Variants in DNAH5 observed in about 807,000 individuals in gnomAD.
The protein encoded by DNAH5 is axonemal beta dynein heavy chain 5.
In DNAH5, 372 loss-of-function variants were observed where a neutral mutation model predicts 518.2. That is an observed-to-expected ratio of 0.72 (90% CI 0.66 to 0.78). DNAH5 has a LOEUF of 0.78. DNAH5 is among the 30% of genes least tolerant of loss of function. The pLI, the probability that DNAH5 is intolerant of heterozygous loss-of-function variation, is 0.00. For synonymous variants in DNAH5, 2,039 were observed against 2,025.9 expected (o/e 1.01, Z -0.17); for missense variants, 5,523 against 5,687.0 (o/e 0.97, Z 0.93).
chr5:13,758,565 A>T (rs1301820505), intron 61 of DNAH5, among the ~76,000 whole-genome samples: 2 of 152,160 alleles, frequency 1.3e-5, no homozygotes, highest in African/African-American at 2.4e-5. Context: ...ATGAGATAAA[A>T]ATGGGAGGAC....
Position 13,868,137 on chromosome 5 carries a change from A to G in DNAH5, c.3835-145T>C, listed in dbSNP as rs77395934. The G allele has an allele frequency of 2.9e-3, 2,125 of 726,070 alleles. 29 individuals carry two copies. In the African/African-American group the frequency reaches 0.033, roughly 11 times the overall value. 45.0% of individuals were successfully genotyped at this position (726,070 alleles called of 1,614,324 possible). A position where few individuals can be genotyped will look rare whatever the true frequency, so the allele number is the denominator to read the frequency against. On this transcript the variant is annotated intron_variant, in intron 24 of 78. Coordinates refer to ENST00000265104, the MANE Select transcript of DNAH5 (RefSeq NM_001369.3). The stretch of plus-strand genomic sequence containing the variant: ...TCTAGTTATTCTACTTCAAACCGCA[A>G]GAGGTTAACTGTGCAACTGAGCTGT...
intron 21 of DNAH5, among the ~76,000 whole-genome samples, chr5:13,881,290 G>A (rs975173915): frequency 3.3e-5 from 5 of 151,842 alleles, no homozygotes; most frequent in African/African-American, 1.2e-4. Flanking sequence ...CTACACTTTA[G>A]ACCAAATATA....
Position 13,862,743 on chromosome 5 carries a change from A to G in DNAH5, c.4601T>C (p.Ile1534Thr). The change falls in exon 29 of 79, where the codon ATC becomes ACC. Residue 1534 changes from isoleucine (I) to threonine (T), a missense_variant. Physicochemically the swap from Ile to Thr is moderately conservative, Grantham distance 89. Coordinates refer to ENST00000265104, the MANE Select transcript of DNAH5 (RefSeq NM_001369.3). The stretch of plus-strand genomic sequence containing the variant: ...TCTCTCTTTCACCGCACTGATACAG[A>G]TGTCCTATCAAAATGGCAAGCTCTC... Reference protein sequence around the residue: ...LLKYKEEIEDICISAVKERDI... With the variant: ...LLKYKEEIEDTCISAVKERDI... 1 of 1,611,158 alleles carries G rather than the reference A, an allele frequency of 6.2e-7. No individual in the cohort carries two copies. Among genetic ancestry groups the G allele is most frequent in the Non-Finnish European group, 8.5e-7 (1 of 1,177,848 alleles).
intron 50 of DNAH5, among the ~76,000 whole-genome samples, chr5:13,790,117 C>G (rs1446867661): frequency 6.6e-6 from 1 of 152,120 alleles, no homozygotes; most frequent in Non-Finnish European, 1.5e-5. Context: ...TAAATTAGTT[C>G]AAGCATTGTG....
chr5:13,747,138 G>A (rs1749480404), intron 65 of DNAH5, among the ~76,000 whole-genome samples: 1 of 151,876 alleles, frequency 6.6e-6, no homozygotes, highest in African/African-American at 2.4e-5. Flanking sequence ...AACATGCGGT[G>A]TTTGGTTTTT....
At position 13,885,049 on chromosome 5, in the gene DNAH5, T is replaced by C; in HGVS notation, c.2923A>G (p.Arg975Gly). 6.2e-7 allele frequency: 1 copy of C among 1,614,202 alleles called. No individual in the cohort carries two copies. The highest frequency in any genetic ancestry group is 8.5e-7 in the Non-Finnish European group (1 of 1,180,016). Residue 975 changes from arginine (R) to glycine (G), a missense_variant, in exon 19 of 79, where the codon AGG becomes GGG. Physicochemically the swap from Arg to Gly is moderately radical, Grantham distance 125 (BLOSUM62 -2). Transcript: ENST00000265104. The part of the protein sequence containing the change: ...QNMDALLKVT[R>G]NTLEAIRKRI... ...TTGCGAATGGCCTCTAGTGTATTCC[T>C]TGTAACTTTCAGAAGAGCATCCATG... is the stretch of plus-strand genomic sequence containing the variant.
At chr5:13,946,234 C>A (rs150888764), upstream of DNAH5, among the ~76,000 whole-genome samples, 1 of 152,306 alleles carries the variant, frequency 6.6e-6, no homozygotes, top group Non-Finnish European at 1.5e-5. Context: ...TACAACGCAT[C>A]GCTTGGGGAG....
exon 1 of DNAH5, among the ~76,000 whole-genome samples, chr5:14,011,764 G>A (rs1193264897): frequency 1.3e-5 from 2 of 152,172 alleles, no homozygotes; most frequent in Admixed American, 6.5e-5. Flanking sequence ...TCCGGAGTCC[G>A]CTCAGGCCGC....
intron 65 of DNAH5, among the ~76,000 whole-genome samples, chr5:13,739,969 TCTC>T (rs1748192917): frequency 6.6e-6 from 1 of 152,088 alleles, no homozygotes; most frequent in East Asian, 1.9e-4. Context: ...CTAAGAGACT[TCTC>T]CTACTTAGCA....
At chr5:13,883,181 A>G (rs1047319870) in intron 19 of DNAH5, 87 bp from the exon 20 acceptor site, 6 of 1,309,366 alleles carry the variant, frequency 4.6e-6, no homozygotes, top group African/African-American at 1.5e-5. Context: ...TTAAAACAAT[A>G]CATAATAGGT....
chr5:13,805,481 A>G (rs1243076768), intron 47 of DNAH5, among the ~76,000 whole-genome samples: 3 of 151,956 alleles, frequency 2.0e-5, no homozygotes, highest in Non-Finnish European at 4.4e-5. Context: ...CTGGTGACAG[A>G]GCGAGGCTCC....
chr5:13,829,756 G>A (rs748655354), intron 37 of DNAH5, 52 bp from the exon 38 acceptor site: 1 of 1,524,780 alleles, frequency 6.6e-7, no homozygotes, highest in East Asian at 2.3e-5. Context: ...GCACACATCA[G>A]CATCATATTA....
chr5:13,823,378 A>T lies in DNAH5; in HGVS notation c.6580-8T>A. 7 of 1,582,260 alleles carry T rather than the reference A, an allele frequency of 4.4e-6. No homozygotes were observed. Among genetic ancestry groups the T allele is most frequent in the Non-Finnish European group, 6.1e-6 (7 of 1,151,260 alleles). On this transcript the variant is annotated splice_polypyrimidine_tract_variant and splice_region_variant and intron_variant, in intron 39 of 78. Transcript: ENST00000265104. Reference sequence around the variant, plus strand: ...GGGTTCATCCTCATCAATCTAAAAAAAGAAAATGGGAAATCAGACCAATTA... The same window carrying T: ...GGGTTCATCCTCATCAATCTAAAAATAGAAAATGGGAAATCAGACCAATTA...
At chr5:13,874,153 A>C (rs1770535025) in intron 22 of DNAH5, among the ~76,000 whole-genome samples, 1 of 152,180 alleles carries the variant, frequency 6.6e-6, no homozygotes, top group Non-Finnish European at 1.5e-5. Flanking sequence ...CGTTTGCATG[A>C]CCTGAAGTGT....
At position 13,919,223 on chromosome 5, in the gene DNAH5, T is replaced by G. The variant is rs1776986431; in HGVS notation, c.928A>C (p.Lys310Gln). 1 of 1,613,944 alleles carries G rather than the reference T, an allele frequency of 6.2e-7. No homozygotes were observed. The highest frequency in any genetic ancestry group is 1.3e-5 in the African/African-American group (1 of 74,898). ...LLEQLKSPDVKAVLAVLAAAK... is the reference protein window; with the variant it reads ...LLEQLKSPDVQAVLAVLAAAK... Reference sequence around the variant, plus strand: ...GCCGCAAGCACTGCCAGCACAGCCTTCACATCCGGGCTTTTCAATTGTTCC... The same window carrying G: ...GCCGCAAGCACTGCCAGCACAGCCTGCACATCCGGGCTTTTCAATTGTTCC... The change falls in exon 7 of 79, where the codon AAG (lysine) becomes CAG (glutamine). Residue 310 changes from lysine to glutamine, a missense_variant. Physicochemically the swap from Lys to Gln is moderately conservative, Grantham distance 53. Coordinates refer to ENST00000265104, the MANE Select transcript of DNAH5 (RefSeq NM_001369.3).
chr5:13,890,591 C>A (rs751903078), intron 17 of DNAH5, among the ~76,000 whole-genome samples: 1 of 152,212 alleles, frequency 6.6e-6, no homozygotes, highest in Non-Finnish European at 1.5e-5. Context: ...GGAAACCCCC[C>A]CTCAACAAAA....
intron 1 of DNAH5, among the ~76,000 whole-genome samples, chr5:13,996,293 C>A (rs887457817): frequency 9.9e-5 from 15 of 152,156 alleles, no homozygotes; most frequent in Admixed American, 9.8e-4. Flanking sequence ...AACACTTAAA[C>A]CACAGCATTC....
At position 13,770,955 on chromosome 5, in the gene DNAH5, A is replaced by T. The variant is rs1753258436; in HGVS notation, c.9399T>A (p.Tyr3133Ter). 1.9e-6 allele frequency: 3 copies of T among 1,613,910 alleles called. No individual in the cohort carries two copies. Among genetic ancestry groups the T allele is most frequent in the Non-Finnish European group, 2.5e-6 (3 of 1,179,830 alleles). The stretch of plus-strand genomic sequence containing the variant: ...TGATTTCCAAACTGCAGTCAATATC[A>T]TAGGAAGTGAGGAAGTGTTCAGACA... Reference protein sequence around the residue: ...VAVSEHFLTSYDIDCSLEIKK... With the variant: ...VAVSEHFLTS Residue 3133 changes from tyrosine (Y) to a stop codon, truncating the protein, a stop_gained, in exon 56 of 79, where the codon TAT becomes TAA. Coordinates refer to ENST00000265104, the MANE Select transcript of DNAH5 (RefSeq NM_001369.3). LOFTEE classifies it high-confidence loss of function.
At chr5:13,980,320 A>T (rs1433852617) in intron 1 of DNAH5, among the ~76,000 whole-genome samples, 1 of 151,598 alleles carries the variant, frequency 6.6e-6, no homozygotes, top group African/African-American at 2.4e-5. Context: ...ACACCAGTGA[A>T]CCTCCAATTT....
Sources: allele counts gnomAD v4.1 joint callset (sites outside exome capture counted in the v4.1 genomes callset), GRCh38; gene constraint gnomAD v4.1.1; transcripts MANE v1.5; gene names NCBI Gene and HGNC (gene_info 2026-07-23, HGNC 2026-07-21).